WDFY1: variants seen among roughly 807,000 people sequenced by gnomAD.
The protein encoded by WDFY1 is WD repeat and FYVE domain containing 1, also known as WD repeat and FYVE domain-containing protein 1.
WDFY1 carries 32 observed loss-of-function variants against 56.4 expected under a neutral mutation model. That is an observed-to-expected ratio of 0.57 (90% CI 0.43 to 0.76). The LOEUF is 0.76. Among genes scored for constraint, WDFY1 ranks in the 30% least tolerant of loss-of-function variants. WDFY1 has a pLI of 0.00. For synonymous variants in WDFY1, 192 were observed against 197.3 expected (o/e 0.97, Z 0.23); for missense variants, 480 against 545.7 (o/e 0.88, Z 1.20).
At chr2:223,920,185 G>A (rs534131875) in intron 1 of WDFY1, among the ~76,000 whole-genome samples, 2 of 152,182 alleles carry the variant, frequency 1.3e-5, no homozygotes, top group African/African-American at 4.8e-5. Context: ...ACAGGTATGC[G>A]ATTTGAAGGC....
At chr2:223,899,428 A>G (rs951701945) in intron 5 of WDFY1, among the ~76,000 whole-genome samples, 10 of 152,308 alleles carry the variant, frequency 6.6e-5, no homozygotes, top group Admixed American at 5.2e-4. Flanking sequence ...AATCAAGTAC[A>G]ATAAAGTGTC....
intron 5 of WDFY1, chr2:223,899,326 T>C (rs1693460523): frequency 2.6e-6 from 1 of 380,416 alleles, no homozygotes; most frequent in Non-Finnish European, 4.9e-6. Context: ...CAGGAACTCA[T>C]TGAGTGCCTG....
At chr2:223,943,824 C>T (rs538813623) in intron 1 of WDFY1, among the ~76,000 whole-genome samples, 1 of 152,356 alleles carries the variant, frequency 6.6e-6, no homozygotes, top group South Asian at 2.1e-4. Flanking sequence ...ACCAGTATCT[C>T]TGTAACTTAG....
chr2:223,934,232 G>C (rs1200932765), intron 1 of WDFY1, among the ~76,000 whole-genome samples: 1 of 151,750 alleles, frequency 6.6e-6, no homozygotes, highest in Non-Finnish European at 1.5e-5. Context: ...GGGACTACAG[G>C]CGCACAACAC....
At chr2:223,911,733 G>A (rs1298614380) in intron 3 of WDFY1, among the ~76,000 whole-genome samples, 2 of 152,012 alleles carry the variant, frequency 1.3e-5, no homozygotes, top group Admixed American at 6.6e-5. Context: ...TATCAATTAC[G>A]ACAGCATTCT....
At chr2:223,936,084 CAG>C (rs1694165325) in intron 1 of WDFY1, among the ~76,000 whole-genome samples, 2 of 96,654 alleles carry the variant, frequency 2.1e-5, no homozygotes, top group Non-Finnish European at 4.0e-5. Flanking sequence ...TTTTTGGGGA[CAG>C]AGTCTTGCTT....
chr2:223,919,037 C>A (rs1271049884), intron 1 of WDFY1, among the ~76,000 whole-genome samples: 2 of 152,204 alleles, frequency 1.3e-5, no homozygotes, highest in Non-Finnish European at 2.9e-5. Context: ...AATGGGAGTC[C>A]TGCAGTTCCT....
intron 8 of WDFY1, among the ~76,000 whole-genome samples, chr2:223,888,581 T>C (rs1326792150): frequency 1.6e-5 from 2 of 122,022 alleles, no homozygotes; most frequent in African/African-American, 6.0e-5. Context: ...ATTTTTAAAT[T>C]CTCAATTTTT....
chr2:223,914,533 AG>A (rs2106090534), intron 2 of WDFY1, among the ~76,000 whole-genome samples: 1 of 152,362 alleles, frequency 6.6e-6, no homozygotes, highest in African/African-American at 2.4e-5. Context: ...CATGATAGGA[AG>A]GCAGAATTGA....
intron 1 of WDFY1, among the ~76,000 whole-genome samples, chr2:223,931,092 C>A (rs997847645): frequency 1.3e-5 from 2 of 152,174 alleles, no homozygotes; most frequent in Non-Finnish European, 2.9e-5. Flanking sequence ...CCATAGGAAT[C>A]TGAGGTTAAA....
At chr2:223,919,663 C>T (rs1416982247) in intron 1 of WDFY1, among the ~76,000 whole-genome samples, 1 of 152,210 alleles carries the variant, frequency 6.6e-6, no homozygotes, top group African/African-American at 2.4e-5. Context: ...GCATGAGCCA[C>T]CACACGTGAC....
intron 6 of WDFY1, among the ~76,000 whole-genome samples, chr2:223,898,091 T>G (rs1693430222): frequency 6.6e-6 from 1 of 152,176 alleles, no homozygotes; most frequent in Non-Finnish European, 1.5e-5. Flanking sequence ...ATTACACATG[T>G]GTATGTGGCG....
intron 5 of WDFY1, 35 bp downstream of exon 5, chr2:223,901,148 C>G (rs1273803162): frequency 6.3e-7 from 1 of 1,592,282 alleles, no homozygotes; most frequent in Non-Finnish European, 8.6e-7. Context: ...AAGCAGAGGC[C>G]AGGGGAAGGA....
intron 1 of WDFY1, among the ~76,000 whole-genome samples, chr2:223,922,169 C>A (rs945637031): frequency 1.3e-5 from 2 of 152,224 alleles, no homozygotes; most frequent in African/African-American, 4.8e-5. Context: ...CCTTCCTCCC[C>A]ACCCTACCAA....
intron 4 of WDFY1, among the ~76,000 whole-genome samples, chr2:223,904,435 T>A (rs557037283): frequency 6.7e-6 from 1 of 149,338 alleles, no homozygotes; most frequent in African/African-American, 2.5e-5. Flanking sequence ...TTATTTTTAG[T>A]AGAGACGGGT....
At chr2:223,931,938 G>A (rs1490078450) in intron 1 of WDFY1, among the ~76,000 whole-genome samples, 10 of 151,548 alleles carry the variant, frequency 6.6e-5, no homozygotes, top group Admixed American at 5.3e-4. Flanking sequence ...CACCTACCTC[G>A]GCCTCCCAAA....
intron 2 of WDFY1, among the ~76,000 whole-genome samples, chr2:223,916,873 G>C (rs142997457): frequency 1.3e-5 from 2 of 150,488 alleles, no homozygotes; most frequent in African/African-American, 4.9e-5. Flanking sequence ...GGAGTGCAGT[G>C]GTGTGATTTC....
chr2:223,885,358 TTTTTTA>T (rs1271470770), intron 8 of WDFY1, among the ~76,000 whole-genome samples: 1 of 151,942 alleles, frequency 6.6e-6, no homozygotes, highest in Non-Finnish European at 1.5e-5. Context: ...GCCCAGCTAA[TTTTTTA>T]TTTTTATTTT....
chr2:223,888,549 T>A (rs1255101799), intron 8 of WDFY1, among the ~76,000 whole-genome samples: 1 of 151,542 alleles, frequency 6.6e-6, no homozygotes, highest in Non-Finnish European at 1.5e-5. Flanking sequence ...GCAAGGATTT[T>A]AAAAATAAAT....
Sources: gnomAD v4.1 joint callset for allele counts (sites outside exome capture counted in the v4.1 genomes callset) on GRCh38, gnomAD v4.1.1 for gene constraint, MANE v1.5 for transcripts, NCBI Gene and HGNC (gene_info 2026-07-23, HGNC 2026-07-21) for gene names.